The following MTARC2 variants were observed in gnomAD, a reference collection of about 807,000 sequenced individuals.
The protein encoded by MTARC2 is mitochondrial amidoxime reducing component 2, also known as MOCO sulphurase C-terminal domain containing 2.
Under a neutral mutation model 35.6 loss-of-function variants are expected in MTARC2, and 27 were observed. That is an observed-to-expected ratio of 0.76 (90% CI 0.56 to 1.04). The LOEUF is 1.04. MTARC2 is among the 50% of genes least tolerant of loss of function. The pLI is 0.00. For synonymous variants in MTARC2, 158 were observed against 167.1 expected (o/e 0.95, Z 0.42); for missense variants, 412 against 432.5 (o/e 0.95, Z 0.42).
chr1:220,762,787 C>G (rs1234842884), intron 3 of MTARC2, 123 bp from the exon 4 acceptor site: 8 of 1,050,314 alleles, frequency 7.6e-6, no homozygotes, highest in African/African-American at 1.6e-5. Context: ...CTCTCTCCTT[C>G]CTGAACACTG....
At chr1:220,766,912 G>A (rs1225943079) in intron 4 of MTARC2, among the ~76,000 whole-genome samples, 3 of 149,864 alleles carry the variant, frequency 2.0e-5, no homozygotes, top group African/African-American at 4.9e-5. Context: ...AGGCCAAGGC[G>A]GGCAGGTTGT....
Position 220,769,740 on chromosome 1 carries a change from TTCTC to T in MTARC2, c.750+6702_750+6705del, listed in dbSNP as rs112145810. ...GTTGTTTAACTCCCTGGGCACTTTC[TTCTC>T]TCTCTCTCTCTTTCTCTCTGTGTAT... On this transcript the variant is annotated intron_variant, in intron 4 of 7. Coordinates refer to ENST00000366913, the MANE Select transcript of MTARC2 (RefSeq NM_017898.5). Among the ~76,000 whole-genome samples, 321 of 149,912 alleles carry T rather than the reference TTCTC, an allele frequency of 2.1e-3. 5 individuals carry two copies. The East Asian group carries it at 0.055, about 26-fold the overall frequency.
At chr1:220,769,366 G>T (rs1432366935) in intron 4 of MTARC2, among the ~76,000 whole-genome samples, 3 of 152,204 alleles carry the variant, frequency 2.0e-5, no homozygotes, top group Non-Finnish European at 2.9e-5. Context: ...GGATTAACAG[G>T]AGACCTGCAG....
chr1:220,753,015 C>T (rs1322326005), intron 1 of MTARC2, among the ~76,000 whole-genome samples: 3 of 146,070 alleles, frequency 2.1e-5, no homozygotes, highest in Admixed American at 1.4e-4. Flanking sequence ...GAGATCGAGA[C>T]CATCCTGGCT....
At chr1:220,771,145 G>A (rs1325378408) in intron 4 of MTARC2, among the ~76,000 whole-genome samples, 1 of 151,934 alleles carries the variant, frequency 6.6e-6, no homozygotes, top group Admixed American at 6.6e-5. Flanking sequence ...TTAAAAATAC[G>A]AAAATTAGCT....
Position 220,748,803 on chromosome 1 carries a change from G to T in MTARC2, c.272G>T (p.Arg91Met). The change falls in exon 1 of 8, where the codon AGG (arginine) becomes ATG (methionine). Residue 91 changes from arginine to methionine, a missense_variant and splice_region_variant. Physicochemically the swap from Arg to Met is moderately conservative, Grantham distance 91. Coordinates refer to ENST00000366913, the MANE Select transcript of MTARC2 (RefSeq NM_017898.5). ...CTGCGCAGCGGCAACCTGCGGGACA[G>T]GTACAGCACAGCGCGGGCGCGGGGC... Reference protein sequence around the residue: ...MGLRSGNLRDRFWLVIKEDGH... With the variant: ...MGLRSGNLRDMFWLVIKEDGH... The T allele has an allele frequency of 6.3e-7, 1 of 1,586,362 alleles. No homozygotes were observed. Among genetic ancestry groups the T allele is most frequent in the Non-Finnish European group, 8.6e-7 (1 of 1,167,498 alleles).
At chr1:220,768,188 T>A (rs760246037) in intron 4 of MTARC2, among the ~76,000 whole-genome samples, 1 of 152,218 alleles carries the variant, frequency 6.6e-6, no homozygotes, top group African/African-American at 2.4e-5. Flanking sequence ...ATTATTGGGT[T>A]CTAATATCAG....
intron 2 of MTARC2, among the ~76,000 whole-genome samples, chr1:220,756,050 G>C (rs975258162): frequency 2.0e-5 from 3 of 152,186 alleles, no homozygotes; most frequent in Admixed American, 1.3e-4. Context: ...GTGTGTGGTT[G>C]AGATGAAGAC....
At chr1:220,780,612 G>A (rs1672046309) in intron 6 of MTARC2, among the ~76,000 whole-genome samples, 1 of 151,936 alleles carries the variant, frequency 6.6e-6, no homozygotes, top group Non-Finnish European at 1.5e-5. Context: ...ACCATGCCTG[G>A]GTGATTATTG....
chr1:220,762,931 C>G lies in MTARC2; in HGVS notation c.631C>G (p.Pro211Ala). The change falls in exon 4 of 8, where the codon CCG becomes GCG. Residue 211 changes from proline (P) to alanine (A), a missense_variant. Physicochemically the swap from Pro to Ala is conservative, Grantham distance 27. Coordinates refer to ENST00000366913, the MANE Select transcript of MTARC2 (RefSeq NM_017898.5). ...NFQVAYPDYCPLLIMTDASLV... is the reference protein window; with the variant it reads ...NFQVAYPDYCALLIMTDASLV... The stretch of plus-strand genomic sequence containing the variant: ...CAAGGTGGCCTACCCAGACTACTGC[C>G]CGCTCCTGATCATGACAGATGCCTC... The G allele has an allele frequency of 1.2e-6, 2 of 1,614,156 alleles. No individual in the cohort carries two copies. The highest frequency in any genetic ancestry group is 1.7e-6 in the Non-Finnish European group (2 of 1,180,028).
chr1:220,753,822 G>A (rs1462660157), intron 1 of MTARC2, among the ~76,000 whole-genome samples: 2 of 152,174 alleles, frequency 1.3e-5, no homozygotes, highest in East Asian at 1.9e-4. Context: ...AGGCTGAGGC[G>A]GCAGGTCACT....
chr1:220,763,731 A>G (rs1049553727), intron 4 of MTARC2, among the ~76,000 whole-genome samples: 1 of 152,232 alleles, frequency 6.6e-6, no homozygotes, highest in Non-Finnish European at 1.5e-5. Flanking sequence ...GAGCAGTGGA[A>G]GTAACAATGA....
intron 4 of MTARC2, among the ~76,000 whole-genome samples, chr1:220,766,199 T>C (rs1256461108): frequency 6.6e-6 from 1 of 152,134 alleles, no homozygotes; most frequent in Non-Finnish European, 1.5e-5. Flanking sequence ...ATTTATACAA[T>C]TTGGGGGCCC....
At position 220,761,827 on chromosome 1, in the gene MTARC2, T is replaced by C. The variant is rs1671445763; in HGVS notation, c.609+7T>C. ...TCTTGATCAGAATTTCCAGGTGAGCTTACAGAGAGTTTACCTTCACTGCTA... is the reference window on the plus strand; with the variant it reads ...TCTTGATCAGAATTTCCAGGTGAGCCTACAGAGAGTTTACCTTCACTGCTA... On this transcript the variant is annotated splice_region_variant and intron_variant, in intron 3 of 7. Coordinates refer to ENST00000366913, the MANE Select transcript of MTARC2 (RefSeq NM_017898.5). The C allele has an allele frequency of 6.3e-7, 1 of 1,599,090 alleles. No individual in the cohort carries two copies. The highest frequency in any genetic ancestry group is 1.3e-5 in the African/African-American group (1 of 74,562).
In MTARC2 at chr1:220,773,298, G is replaced by A. The variant is rs577028365; in HGVS notation, c.751-6720G>A. The stretch of plus-strand genomic sequence containing the variant: ...TGGGGTTTGGAGAGCTTCTGAGTTG[G>A]AGAACACATTGAAGTTCTGGGAGGG... On this transcript the variant is annotated intron_variant, in intron 4 of 7. Coordinates refer to ENST00000366913, the MANE Select transcript of MTARC2 (RefSeq NM_017898.5). 5.1e-4 allele frequency among the ~76,000 whole-genome samples: 78 copies of A among 152,252 alleles called. 1 individual carries two copies. The South Asian group carries it at 0.014, about 27-fold the overall frequency.
chr1:220,761,890 A>T (rs1186375936), intron 3 of MTARC2, 70 bp downstream of exon 3: 9 of 1,439,504 alleles, frequency 6.3e-6, no homozygotes, highest in South Asian at 4.1e-5. Context: ...TTCCCAGTTG[A>T]TAAAGAGCCT....
At chr1:220,749,807 A>G (rs942423685) in intron 1 of MTARC2, among the ~76,000 whole-genome samples, 1 of 152,122 alleles carries the variant, frequency 6.6e-6, no homozygotes, top group South Asian at 2.1e-4. Context: ...CAAGTTGATC[A>G]TTCAAGGATT....
At chr1:220,765,537 AG>A (rs1671557549) in intron 4 of MTARC2, among the ~76,000 whole-genome samples, 1 of 152,226 alleles carries the variant, frequency 6.6e-6, no homozygotes, top group East Asian at 1.9e-4. Context: ...AGCCTGAGAC[AG>A]AAATACCAAG....
chr1:220,779,886 A>C, intron 4 of MTARC2, 132 bp from the exon 5 acceptor site: 1 of 631,284 alleles, frequency 1.6e-6, no homozygotes, highest in Non-Finnish European at 2.5e-6. Context: ...CCTCTGGGAG[A>C]TATTTCTTGG....
Sources: gnomAD v4.1 joint callset for allele counts (sites outside exome capture counted in the v4.1 genomes callset) on GRCh38, gnomAD v4.1.1 for gene constraint, MANE v1.5 for transcripts, NCBI Gene and HGNC (gene_info 2026-07-23, HGNC 2026-07-21) for gene names.